The following BTRC variants were observed in gnomAD, a reference collection of about 807,000 sequenced individuals.
BTRC encodes beta-transducin repeat containing E3 ubiquitin protein ligase.
In BTRC, 42 loss-of-function variants were observed where a neutral mutation model predicts 85.5. The observed-to-expected ratio is 0.49, with a 90% confidence interval of 0.38 to 0.64. The LOEUF is 0.64. Among genes scored for constraint, BTRC ranks in the 30% least tolerant of loss-of-function variants. The probability of loss-of-function intolerance (pLI) is 0.00; values close to 1 mark genes in which losing one functional copy is unlikely to be tolerated. For missense variants in BTRC, 594 were observed against 743.5 expected (o/e 0.80, Z 2.34); for synonymous variants, 255 against 263.3 (o/e 0.97, Z 0.30).
intron 13 of BTRC, among the ~76,000 whole-genome samples, chr10:101,549,292 G>T (rs190468319): frequency 2.6e-4 from 39 of 150,342 alleles, no homozygotes; most frequent in Admixed American, 2.2e-3. Flanking sequence ...AAAGCCAGGT[G>T]TGGTGGCATG....
In BTRC at chr10:101,366,891, TATATATTTATATATATTA is replaced by T. The variant is rs1564730115; in HGVS notation, c.48+12670_48+12687del. Among the ~76,000 whole-genome samples, 13 of 39,554 alleles carry T rather than the reference TATATATTTATATATATTA, an allele frequency of 3.3e-4. 1 individual carries two copies. The highest frequency in any genetic ancestry group is 1.1e-3 in the African/African-American group (13 of 12,062). 25.9% of individuals were successfully genotyped at this position (39,554 alleles called of 152,430 possible). A position where few individuals can be genotyped will look rare whatever the true frequency, so the allele number is the denominator to read the frequency against. ...ATTAATATATATTTATATATATTTATATATATTTATATATATTAATATATATTTATATATATTTATATA... is the reference window on the plus strand; with the variant it reads ...ATTAATATATATTTATATATATTTATATATATATTTATATATATTTATATA... On this transcript the variant is annotated intron_variant, in intron 1 of 14. Transcript: ENST00000370187.
intron 3 of BTRC, among the ~76,000 whole-genome samples, chr10:101,462,531 T>C (rs1388898771): frequency 6.6e-6 from 1 of 151,724 alleles, no homozygotes; most frequent in Non-Finnish European, 1.5e-5. Flanking sequence ...ATACAAAAAT[T>C]TGCTGGGCAT....
In BTRC at chr10:101,511,496, G is replaced by T. The variant is rs367950106; in HGVS notation, c.325-10143G>T. Among the ~76,000 whole-genome samples, 8 of 152,122 alleles carry T rather than the reference G, an allele frequency of 5.3e-5. No individual in the cohort carries two copies. The East Asian group carries it at 5.8e-4, about 11-fold the overall frequency. ...CGTGCCTCAGACTCCCAAGTAGCTG[G>T]AACCACATGTGCGCACCACCATGCC... On this transcript the variant is annotated intron_variant, in intron 4 of 14. Coordinates refer to ENST00000370187, the MANE Select transcript of BTRC (RefSeq NM_033637.4).
intron 3 of BTRC, among the ~76,000 whole-genome samples, chr10:101,469,152 G>A (rs1945456916): frequency 1.3e-5 from 2 of 152,180 alleles, no homozygotes; most frequent in African/African-American, 4.8e-5. Context: ...AGTGTTGCAT[G>A]GGGACAGAAC....
intron 1 of BTRC, chr10:101,414,642 A>T (rs780619185): frequency 1.9e-6 from 1 of 518,166 alleles, no homozygotes; most frequent in East Asian, 5.5e-5. Context: ...CATAGATGTT[A>T]ATTGCTCCCA....
At chr10:101,408,069 T>C (rs774328368) in intron 1 of BTRC, among the ~76,000 whole-genome samples, 41 of 152,176 alleles carry the variant, frequency 2.7e-4, no homozygotes, top group Non-Finnish European at 4.1e-4. Context: ...GAATTAGATA[T>C]TTCACTTTTT....
intron 1 of BTRC, among the ~76,000 whole-genome samples, chr10:101,367,404 A>G (rs1195677761): frequency 1.3e-5 from 2 of 152,010 alleles, no homozygotes; most frequent in African/African-American, 2.4e-5. Flanking sequence ...GTTCTAGTGT[A>G]CTTTATGTAT....
At chr10:101,355,810 C>T (rs980310582) in intron 1 of BTRC, among the ~76,000 whole-genome samples, 1 of 152,086 alleles carries the variant, frequency 6.6e-6, no homozygotes, top group African/African-American at 2.4e-5. Flanking sequence ...TTAGTGTTTT[C>T]GAAAACACCT....
rs954729427 is a variant in BTRC at position 101,557,304 on chromosome 10, T to C, written c.*4181T>C. 7.2e-5 allele frequency: 11 copies of C among 152,188 alleles called. No homozygotes were observed. The highest frequency in any genetic ancestry group is 2.7e-4 in the African/African-American group (11 of 41,440). The allele number at this position is 152,188 out of a possible 1,614,324, so 9.4% of individuals were successfully genotyped here. On this transcript the variant is annotated 3_prime_UTR_variant, in exon 15 of 15. Coordinates refer to ENST00000370187, the MANE Select transcript of BTRC (RefSeq NM_033637.4). ...AAAAAAGTAAATTACAAATATAAGA[T>C]TAAAGTGAATTTTCTAAGCGTCTTG...
chr10:101,521,652 A>G lies in BTRC; in HGVS notation c.338A>G (p.Asn113Ser), dbSNP rs758642861. 6.2e-6 allele frequency: 10 copies of G among 1,613,788 alleles called. No homozygotes were observed. The South Asian group carries it at 8.8e-5, about 14-fold the overall frequency. Residue 113 changes from asparagine to serine, a missense_variant, in exon 5 of 15, where the codon AAT becomes AGT. Physicochemically the swap from Asn to Ser is conservative, Grantham distance 46. Around this residue, in one of 4 missense-constraint regions of BTRC, gnomAD observed 163 missense variants for 180.5 expected, o/e 0.90. Coordinates refer to ENST00000370187, the MANE Select transcript of BTRC (RefSeq NM_033637.4). Reference sequence around the variant, plus strand: ...CCCCTTCTACAGACAAAACTTGCCAATGGCACTTCCAGTATGATTGTGCCC... The same window carrying G: ...CCCCTTCTACAGACAAAACTTGCCAGTGGCACTTCCAGTATGATTGTGCCC... ...ENCVAKTKLA[N>S]GTSSMIVPKQ... is the part of the protein sequence containing the mutation.
intron 1 of BTRC, among the ~76,000 whole-genome samples, chr10:101,360,264 G>A (rs1419105021): frequency 3.3e-5 from 5 of 150,806 alleles, no homozygotes; most frequent in South Asian, 2.1e-4. Context: ...CGTGTTGCCC[G>A]GGCTGGTCTC....
At chr10:101,490,119 T>G (rs1946091305) in intron 4 of BTRC, among the ~76,000 whole-genome samples, 2 of 151,486 alleles carry the variant, frequency 1.3e-5, no homozygotes, top group Admixed American at 1.3e-4. Context: ...TTTTTCAGGG[T>G]GTGTTTCCAT....
intron 9 of BTRC, 106 bp from the exon 10 acceptor site, chr10:101,534,555 G>T: frequency 1.4e-6 from 2 of 1,424,236 alleles, no homozygotes; most frequent in Non-Finnish European, 1.9e-6. Flanking sequence ...CACTCTCCCA[G>T]TCTGGCCCTC....
chr10:101,367,047 T>C (rs1486522536), intron 1 of BTRC, among the ~76,000 whole-genome samples: 1 of 96,352 alleles, frequency 1.0e-5, no homozygotes, highest in African/African-American at 3.9e-5. Flanking sequence ...TATATAAATA[T>C]ATATATATAT....
chr10:101,460,869 A>G (rs528760343), intron 2 of BTRC, among the ~76,000 whole-genome samples: 32 of 152,252 alleles, frequency 2.1e-4, no homozygotes, highest in African/African-American at 7.2e-4. Context: ...CGTTATGACT[A>G]TATGTAATGT....
At chr10:101,478,223 C>G (rs1945741506) in intron 3 of BTRC, among the ~76,000 whole-genome samples, 1 of 151,684 alleles carries the variant, frequency 6.6e-6, no homozygotes, top group Non-Finnish European at 1.5e-5. Context: ...ATCACTTGAA[C>G]CTGGGAGGCG....
rs755481178 is a variant in BTRC at position 101,549,713 on chromosome 10, C to CAAAAAAAAAAAAAAAAAAAAAAA, written c.1657-985_1657-963dup. Among the ~76,000 whole-genome samples the CAAAAAAAAAAAAAAAAAAAAAAA allele has an allele frequency of 5.1e-4, 22 of 42,762 alleles. 3 individuals are homozygous for CAAAAAAAAAAAAAAAAAAAAAAA. The highest frequency in any genetic ancestry group is 1.3e-3 in the East Asian group (1 of 792). The allele number at this position is 42,762 out of a possible 152,430, so 28.1% of individuals were successfully genotyped here. On this transcript the variant is annotated intron_variant, in intron 13 of 14. Transcript: ENST00000370187. ...GGGGCGAAAGAGCGAGACTCTGTCT[C>CAAAAAAAAAAAAAAAAAAAAAAA]AAAAAAAAAAAAAAAAAAAAAAAGA...
intron 1 of BTRC, among the ~76,000 whole-genome samples, chr10:101,375,302 C>T (rs190738447): frequency 1.3e-5 from 2 of 152,118 alleles, no homozygotes; most frequent in African/African-American, 2.4e-5. Flanking sequence ...CTTCCTGCTT[C>T]GGCCATATAA....
chr10:101,479,882 T>C (rs1439182668), intron 4 of BTRC, among the ~76,000 whole-genome samples: 2 of 152,230 alleles, frequency 1.3e-5, no homozygotes, highest in African/African-American at 4.8e-5. Flanking sequence ...GAGTGGCTAA[T>C]GTTGGAAATA....
Sources: allele counts gnomAD v4.1 joint callset (sites outside exome capture counted in the v4.1 genomes callset), GRCh38; gene constraint gnomAD v4.1.1; regional missense constraint gnomAD v4.1.1; transcripts MANE v1.5; gene names NCBI Gene and HGNC (gene_info 2026-07-23, HGNC 2026-07-21).